The following MUSK variants were observed in gnomAD, a reference collection of about 807,000 sequenced individuals.
MUSK encodes the protein muscle associated receptor tyrosine kinase, also known as muscle, skeletal receptor tyrosine-protein kinase.
MUSK carries 55 observed loss-of-function variants against 88.7 expected under a neutral mutation model. That is an observed-to-expected ratio of 0.62 (90% CI 0.50 to 0.78). MUSK has a LOEUF of 0.78. Among genes scored for constraint, MUSK ranks in the 30% least tolerant of loss-of-function variants. MUSK has a pLI of 0.00. For synonymous variants in MUSK, 387 were observed against 391.9 expected, an observed-to-expected ratio of 0.99 and a Z score of 0.15; for missense variants, 1,015 against 1,074.3, an observed-to-expected ratio of 0.94 and a Z score of 0.77.
At chr9:110,780,412 T>C (rs995812171) in intron 11 of MUSK, among the ~76,000 whole-genome samples, 1 of 152,210 alleles carries the variant, frequency 6.6e-6, no homozygotes, top group African/African-American at 2.4e-5. Flanking sequence ...TGATTCTCAA[T>C]ATTGAGTCTT....
chr9:110,685,379 G>A (rs2076183850), intron 2 of MUSK, among the ~76,000 whole-genome samples: 1 of 151,998 alleles, frequency 6.6e-6, no homozygotes. Context: ...TGTGCAGTCT[G>A]GATAGGCCAA....
At chr9:110,687,092 T>C (rs752772407) in intron 2 of MUSK, 25 bp from the exon 3 acceptor site, 1 of 1,602,380 alleles carries the variant, frequency 6.2e-7, no homozygotes, top group Non-Finnish European at 8.5e-7. Context: ...AGCACTAATC[T>C]GTCATTTTTT....
intron 13 of MUSK, among the ~76,000 whole-genome samples, chr9:110,787,084 T>C (rs530265974): frequency 3.9e-5 from 6 of 152,230 alleles, no homozygotes; most frequent in African/African-American, 1.4e-4. Flanking sequence ...AGGATGTGGC[T>C]GGGCGCGATG....
chr9:110,741,115 A>C (rs183735573), intron 6 of MUSK, among the ~76,000 whole-genome samples: 15 of 152,262 alleles, frequency 9.9e-5, no homozygotes, highest in Admixed American at 6.5e-4. Flanking sequence ...AAATTTGCTA[A>C]GAGGGTAGAT....
rs1449995174 is a variant in MUSK at position 110,802,575 on chromosome 9, A to G, written c.*1587A>G. On this transcript the variant is annotated 3_prime_UTR_variant, in exon 15 of 15. Transcript: ENST00000374448. Reference sequence around the variant, plus strand: ...GGGAAACCTGCCATTTCTTATTCATAGTGTCTCCAGGCAACCAAGACAAAA... The same window carrying G: ...GGGAAACCTGCCATTTCTTATTCATGGTGTCTCCAGGCAACCAAGACAAAA... 6.6e-6 allele frequency among the ~76,000 whole-genome samples: 1 copy of G among 152,196 alleles called. No individual in the cohort carries two copies. Among genetic ancestry groups the G allele is most frequent in the Non-Finnish European group, 1.5e-5 (1 of 68,040 alleles).
At chr9:110,683,678 A>T (rs1395436287) in intron 2 of MUSK, among the ~76,000 whole-genome samples, 1 of 152,046 alleles carries the variant, frequency 6.6e-6, no homozygotes, top group East Asian at 1.9e-4. Context: ...AGCCATTTTC[A>T]CTGAGGTGAG....
chr9:110,673,017 C>G (rs1039379883), intron 1 of MUSK, among the ~76,000 whole-genome samples: 1 of 152,124 alleles, frequency 6.6e-6, no homozygotes, highest in Non-Finnish European at 1.5e-5. Context: ...CGAGCTCTGG[C>G]TGAGATGAAA....
intron 14 of MUSK, among the ~76,000 whole-genome samples, chr9:110,788,785 GAGCT>G (rs2077922255): frequency 6.6e-6 from 1 of 152,204 alleles, no homozygotes; most frequent in African/African-American, 2.4e-5. Flanking sequence ...GTTGGAATGT[GAGCT>G]ACAAAGTTTG....
intron 5 of MUSK, among the ~76,000 whole-genome samples, chr9:110,731,358 G>T (rs2076960729): frequency 1.3e-5 from 2 of 151,960 alleles, no homozygotes; most frequent in South Asian, 2.1e-4. Context: ...ATAAACAAGG[G>T]TAAGGGGAAT....
chr9:110,775,612 A>G (rs1391029366), intron 9 of MUSK, 176 bp from the exon 10 acceptor site: 3 of 640,766 alleles, frequency 4.7e-6, no homozygotes, highest in Non-Finnish European at 8.4e-6. Flanking sequence ...GGGACAGTAC[A>G]CTAGATTTCA....
At chr9:110,702,920 T>A (rs113031759) in intron 5 of MUSK, among the ~76,000 whole-genome samples, 1,665 of 151,318 alleles carry the variant, frequency 0.011, 12 homozygotes, top group Non-Finnish European at 0.017. Context: ...ATAAAAAACC[T>A]ACATACACAT....
At chr9:110,751,903 C>T (rs140562624) in intron 7 of MUSK, among the ~76,000 whole-genome samples, 3 of 151,928 alleles carry the variant, frequency 2.0e-5, no homozygotes, top group South Asian at 2.1e-4. Flanking sequence ...AGTTGTTACT[C>T]GAAAACTGAA....
At chr9:110,707,646 T>A (rs748767594) in intron 5 of MUSK, among the ~76,000 whole-genome samples, 32 of 152,176 alleles carry the variant, frequency 2.1e-4, no homozygotes, top group Non-Finnish European at 4.0e-4. Flanking sequence ...GAGAGGGCTG[T>A]CAGTCAGCAA....
At chr9:110,693,564 A>T (rs1256813205) in intron 3 of MUSK, among the ~76,000 whole-genome samples, 1 of 152,204 alleles carries the variant, frequency 6.6e-6, no homozygotes, top group Non-Finnish European at 1.5e-5. Flanking sequence ...ATTGGTCAGT[A>T]CTTATGACTC....
In MUSK at chr9:110,723,781, C is replaced by T. The variant is rs2076848228; in HGVS notation, c.629-10470C>T. Among the ~76,000 whole-genome samples, 3 of 151,994 alleles carry T rather than the reference C, an allele frequency of 2.0e-5. No individual in the cohort carries two copies. In the South Asian group the frequency reaches 6.2e-4, roughly 32 times the overall value. On this transcript the variant is annotated intron_variant, in intron 5 of 14. Transcript: ENST00000374448. Reference sequence around the variant, plus strand: ...ACTTCATAAGTGATTCAATGAATTTCGAGTTTTAAAAGCCACCACTTTAAC... The same window carrying T: ...ACTTCATAAGTGATTCAATGAATTTTGAGTTTTAAAAGCCACCACTTTAAC...
At chr9:110,689,918 T>A (rs1292122129) in intron 3 of MUSK, among the ~76,000 whole-genome samples, 2 of 96,882 alleles carry the variant, frequency 2.1e-5, no homozygotes, top group African/African-American at 4.4e-5. Context: ...TAAAAATACA[T>A]ATTTAAATAT....
rs770924069 is a variant in MUSK, at chr9:110,791,082, T to C, written c.1927+3244T>C. Among the ~76,000 whole-genome samples the C allele has an allele frequency of 5.9e-5, 9 of 151,746 alleles. No individual in the cohort carries two copies. The South Asian group carries it at 6.3e-4, about 11-fold the overall frequency. On this transcript the variant is annotated intron_variant, in intron 14 of 14. Transcript: ENST00000374448. ...GATCATTAAAAGGGGGTAGGATCAA[T>C]AGATTAAAAGTTTCAGGGGGAGGAG...
chr9:110,734,182 T>G, intron 5 of MUSK, 69 bp from the exon 6 acceptor site: 1 of 1,527,110 alleles, frequency 6.5e-7, no homozygotes, highest in South Asian at 1.2e-5. Context: ...AATTTGCATT[T>G]CTAAAAGACC....
rs147311194 is a variant in MUSK, at chr9:110,695,321, T to C, written c.359-82T>C. 2.5e-4 allele frequency: 244 copies of C among 995,076 alleles called. 1 individual carries two copies. The African/African-American group carries it at 3.6e-3, about 15-fold the overall frequency. The allele number at this position is 995,076 out of a possible 1,614,324, so 61.6% of individuals were successfully genotyped here. On this transcript the variant is annotated intron_variant, in intron 3 of 14. Coordinates refer to ENST00000374448, the MANE Select transcript of MUSK (RefSeq NM_005592.4). ...TCAAATGATTCTCAAAACAGATGTT[T>C]AGAATTAAATTGAAAGTTAGAAACT...
Sources: allele counts gnomAD v4.1 joint callset (sites outside exome capture counted in the v4.1 genomes callset), GRCh38; gene constraint gnomAD v4.1.1; transcripts MANE v1.5; gene names NCBI Gene and HGNC (gene_info 2026-07-23, HGNC 2026-07-21).